The following BICRA variants were observed in gnomAD, a reference collection of about 807,000 sequenced individuals.
BICRA encodes the protein BRD4-interacting chromatin-remodeling complex-associated protein.
Under a neutral mutation model 96.9 loss-of-function variants are expected in BICRA, and 31 were observed. The ratio of observed to expected loss-of-function variants is 0.32; its 90% CI spans 0.24 to 0.43. BICRA has a LOEUF of 0.43. Ranked by LOEUF, BICRA falls within the 20% of genes least tolerant of loss-of-function variation. The pLI is 1.00. For missense variants in BICRA, 2,283 were observed against 2,190.3 expected (o/e 1.04, Z -0.84); for synonymous variants, 1,350 against 1,071.8 (o/e 1.26, Z -5.07).
intron 8 of BICRA, 70 bp downstream of exon 8, chr19:47,694,796 C>T: frequency 9.0e-7 from 1 of 1,112,544 alleles, no homozygotes; most frequent in East Asian, 2.4e-5. Context: ...TGATGGGAGC[C>T]CCTCCGCCTT....
chr19:47,613,724 G>C (rs557579436), intron 1 of BICRA, among the ~76,000 whole-genome samples: 1 of 152,160 alleles, frequency 6.6e-6, no homozygotes, highest in African/African-American at 2.4e-5. Context: ...GTTTGGTTGA[G>C]GGGTCCCCAG....
intron 1 of BICRA, among the ~76,000 whole-genome samples, chr19:47,645,256 T>C (rs1475164423): frequency 2.0e-5 from 3 of 152,206 alleles, no homozygotes; most frequent in African/African-American, 7.2e-5. Context: ...ACGTTGACAT[T>C]TTAGAAGGGT....
At chr19:47,645,581 A>C (rs538883583) in intron 1 of BICRA, among the ~76,000 whole-genome samples, 1 of 152,212 alleles carries the variant, frequency 6.6e-6, no homozygotes, top group East Asian at 1.9e-4. Flanking sequence ...CATTAGAAGG[A>C]GCAAAAGAGG....
chr19:47,695,896 C>T (rs917194505), intron 10 of BICRA, among the ~76,000 whole-genome samples: 3 of 151,886 alleles, frequency 2.0e-5, no homozygotes, highest in African/African-American at 7.3e-5. Flanking sequence ...GTGGGGACAG[C>T]TGAGGCCGAG....
chr19:47,673,063 A>G (rs1256840451), intron 2 of BICRA, among the ~76,000 whole-genome samples: 1 of 152,000 alleles, frequency 6.6e-6, no homozygotes, highest in Admixed American at 6.6e-5. Flanking sequence ...TCACCCGTTT[A>G]TATGTAGGAC....
In BICRA at chr19:47,661,713, G is replaced by A. The variant is rs547684886; in HGVS notation, c.-107-8730G>A. The A allele has an allele frequency of 2.6e-5, 4 of 152,340 alleles. No individual in the cohort carries two copies. The East Asian group carries it at 7.7e-4, about 29-fold the overall frequency. The allele number at this position is 152,340 out of a possible 1,614,324, so 9.4% of individuals were successfully genotyped here. ...GCCAGAATAGTGGTCATGGACAGGA[G>A]GGCACTGACTGGAGAGATATGGGAG... On this transcript the variant is annotated intron_variant, in intron 1 of 14. Coordinates refer to ENST00000594866, the MANE Select transcript of BICRA (RefSeq NM_001394372.1).
chr19:47,685,792 C>CGT (rs1973145790), intron 7 of BICRA, among the ~76,000 whole-genome samples: 3 of 114,416 alleles, frequency 2.6e-5, no homozygotes, highest in South Asian at 3.0e-4. Context: ...TGTGTGCGCG[C>CGT]GCGCGCGCAT....
At chr19:47,685,478 A>G (rs1973130458) in intron 7 of BICRA, among the ~76,000 whole-genome samples, 1 of 152,136 alleles carries the variant, frequency 6.6e-6, no homozygotes, top group South Asian at 2.1e-4. Context: ...GGATGGACAG[A>G]TGGATGGCTG....
rs117075201 is a variant in BICRA, at chr19:47,643,357, C to T, written c.-107-27086C>T. Among the ~76,000 whole-genome samples the T allele has an allele frequency of 8.0e-4, 122 of 152,302 alleles. 4 individuals carry two copies. The East Asian group carries it at 0.014, about 18-fold the overall frequency. ...TAACCAACCCAAATACATCTGGGGC[C>T]CCGGTGTGCTGCCCCTGACTGACAA... On this transcript the variant is annotated intron_variant, in intron 1 of 14. Transcript: ENST00000594866.
rs1973048218 is a variant in BICRA at position 47,681,139 on chromosome 19, G to GCCCCGCCTCAGGCCACCA, written c.1974_1991dup (p.Pro659_Pro664dup). On this transcript the variant is annotated inframe_insertion, in exon 6 of 15. Transcript: ENST00000594866. ...GCAGGCCCCCACCCCACAGGCCGCC[G>GCCCCGCCTCAGGCCACCA]CCCCGCCTCAGGCCACCACCCCCCA... 1 of 1,317,008 alleles carries GCCCCGCCTCAGGCCACCA rather than the reference G, an allele frequency of 7.6e-7. No individual in the cohort carries two copies. Among genetic ancestry groups the GCCCCGCCTCAGGCCACCA allele is most frequent in the Non-Finnish European group, 1.0e-6 (1 of 989,682 alleles). The allele number at this position is 1,317,008 out of a possible 1,614,324, so 81.6% of individuals were successfully genotyped here.
intron 1 of BICRA, among the ~76,000 whole-genome samples, chr19:47,634,519 CT>C (rs1972269468): frequency 6.6e-6 from 1 of 152,156 alleles, no homozygotes; most frequent in Non-Finnish European, 1.5e-5. Context: ...GCCTGTACCA[CT>C]TTGCGAAACT....
chr19:47,687,231 G>A (rs936290713), intron 7 of BICRA, among the ~76,000 whole-genome samples: 7 of 152,098 alleles, frequency 4.6e-5, no homozygotes, highest in Non-Finnish European at 8.8e-5. Context: ...GAATGAACAC[G>A]GGAGTGTTCC....
chr19:47,698,447 C>G lies in BICRA; in HGVS notation c.3249-187C>G, dbSNP rs1973382477. Among the ~76,000 whole-genome samples, 2 of 152,170 alleles carry G rather than the reference C, an allele frequency of 1.3e-5. No individual in the cohort carries two copies. Among genetic ancestry groups the G allele is most frequent in the South Asian group, 4.1e-4 (2 of 4,834 alleles). ...GGGATAGCGATAGCACTGCTTTGGTCGGCCCCAGGGACTCAGTGAGATGGA... is the reference window on the plus strand; with the variant it reads ...GGGATAGCGATAGCACTGCTTTGGTGGGCCCCAGGGACTCAGTGAGATGGA... On this transcript the variant is annotated intron_variant, in intron 11 of 14. Transcript: ENST00000594866. The surrounding 1 kb of genome is among the most constrained non-coding windows in gnomAD (Gnocchi z 4.8).
intron 1 of BICRA, among the ~76,000 whole-genome samples, chr19:47,620,432 C>T (rs1382040677): frequency 6.6e-6 from 1 of 151,928 alleles, no homozygotes; most frequent in Non-Finnish European, 1.5e-5. Context: ...TTTGGGAGGT[C>T]AGGGCAGGTG....
intron 1 of BICRA, among the ~76,000 whole-genome samples, chr19:47,658,832 G>C (rs761903483): frequency 6.6e-6 from 1 of 151,828 alleles, no homozygotes; most frequent in African/African-American, 2.4e-5. Context: ...ACGTCTTGGG[G>C]AACGTTTGTT....
At chr19:47,685,797 G>GCGCGCGCGCGCGCA (rs1973147000) in intron 7 of BICRA, among the ~76,000 whole-genome samples, 2 of 147,234 alleles carry the variant, frequency 1.4e-5, no homozygotes, top group Non-Finnish European at 3.1e-5. Context: ...GCGCGCGCGC[G>GCGCGCGCGCGCGCA]CGCATGCGTA....
intron 7 of BICRA, among the ~76,000 whole-genome samples, chr19:47,685,176 G>T (rs1232163098): frequency 1.3e-5 from 2 of 151,004 alleles, no homozygotes; most frequent in African/African-American, 2.4e-5. Flanking sequence ...GGGGAGATAT[G>T]GGGTCTCACT....
At chr19:47,639,965 A>G (rs1453284889) in intron 1 of BICRA, among the ~76,000 whole-genome samples, 3 of 152,078 alleles carry the variant, frequency 2.0e-5, no homozygotes, top group Non-Finnish European at 4.4e-5. Flanking sequence ...CTAACAACAT[A>G]TCAAGAGGCT....
chr19:47,612,740 A>G (rs1270801959), intron 1 of BICRA, among the ~76,000 whole-genome samples: 1 of 151,936 alleles, frequency 6.6e-6, no homozygotes, highest in Non-Finnish European at 1.5e-5. Context: ...GGCCAGGGGA[A>G]GCATGTTCCA....
Sources: allele counts gnomAD v4.1 joint callset (sites outside exome capture counted in the v4.1 genomes callset), GRCh38; gene constraint gnomAD v4.1.1; non-coding constraint Gnocchi (gnomAD v3.1); transcripts MANE v1.5; gene names NCBI Gene and HGNC (gene_info 2026-07-23, HGNC 2026-07-21).